The following ARHGEF9 variants were observed in gnomAD, a reference collection of about 807,000 sequenced individuals.
The protein encoded by ARHGEF9 is rho guanine nucleotide exchange factor 9.
Under a neutral mutation model 41.3 loss-of-function variants are expected in ARHGEF9, and 2 were observed. The observed-to-expected ratio is 0.05, with a 90% CI of 0.02 to 0.15. The LOEUF (loss-of-function observed/expected upper bound fraction) is 0.15. ARHGEF9 is among the 10% of genes least tolerant of loss of function. The pLI is 1.00. For missense variants in ARHGEF9, 225 were observed against 424.7 expected (o/e 0.53, Z 4.13); for synonymous variants, 160 against 154.4 (o/e 1.04, Z -0.27).
rs181791207 is a variant in ARHGEF9 at position 63,711,607 on chromosome X, G to A, written c.211-5158C>T. ...TGGTACAACTGGATATCCACATGCAGGAGAATGAACTTTGGCTCCTACTTT... is the reference window on the plus strand; with the variant it reads ...TGGTACAACTGGATATCCACATGCAAGAGAATGAACTTTGGCTCCTACTTT... On this transcript the variant is annotated intron_variant, in intron 2 of 9. Coordinates refer to ENST00000671741, the MANE Select transcript of ARHGEF9 (RefSeq NM_001353921.2). Among the ~76,000 whole-genome samples the A allele has an allele frequency of 5.3e-3, 592 of 111,999 alleles. 4 individuals are homozygous for A. Among genetic ancestry groups the A allele is most frequent in the Non-Finnish European group, 5.3e-3 (282 of 53,055 alleles).
intron 6 of ARHGEF9, among the ~76,000 whole-genome samples, chrX:63,670,637 A>C (rs189793403): frequency 9.1e-4 from 102 of 111,922 alleles, no homozygotes; most frequent in African/African-American, 3.2e-3. Flanking sequence ...TGACAGCTCA[A>C]CCAAACCTCA....
intron 1 of ARHGEF9, among the ~76,000 whole-genome samples, chrX:63,743,141 T>G (rs1204348503): frequency 9.0e-6 from 1 of 111,512 alleles, no homozygotes; most frequent in African/African-American, 3.3e-5. Context: ...AGGCGGAGGT[T>G]GCAGTGAGCT....
intron 1 of ARHGEF9, chrX:63,736,919 A>G (rs1404269228): frequency 8.9e-6 from 1 of 111,961 alleles, no homozygotes; most frequent in Non-Finnish European, 1.9e-5. Flanking sequence ...ACTCCACAAA[A>G]TAGAAATTAA....
Position 63,735,460 on chromosome X carries a change from A to G in ARHGEF9, c.31-10749T>C, listed in dbSNP as rs781895523. 1.1e-3 allele frequency among the ~76,000 whole-genome samples: 122 copies of G among 111,593 alleles called. 1 individual carries two copies. The highest frequency in any genetic ancestry group is 3.9e-3 in the African/African-American group (119 of 30,677). ...GGCAGAGGGTGGGTGGGCAAGGCAG[A>G]GAGAAAAAGGGAAATTCATTTTTTA... On this transcript the variant is annotated intron_variant, in intron 1 of 9. Transcript: ENST00000671741.
At chrX:63,731,775 G>A (rs2054311545) in intron 1 of ARHGEF9, among the ~76,000 whole-genome samples, 2 of 110,348 alleles carry the variant, frequency 1.8e-5, no homozygotes, top group Admixed American at 1.9e-4. Flanking sequence ...TGGCCAGGCT[G>A]GTCTTGAACT....
intron 1 of ARHGEF9, among the ~76,000 whole-genome samples, chrX:63,749,850 C>T (rs1368556312): frequency 8.9e-6 from 1 of 112,182 alleles, no homozygotes; most frequent in East Asian, 2.8e-4. Flanking sequence ...CCTCTTTGTA[C>T]TTTCGTGCTA....
intron 1 of ARHGEF9, among the ~76,000 whole-genome samples, chrX:63,774,913 T>C: frequency 8.9e-6 from 1 of 111,882 alleles, no homozygotes; most frequent in Non-Finnish European, 1.9e-5. Flanking sequence ...TTGAAAACTA[T>C]GTATCCAACA....
intron 2 of ARHGEF9, 102 bp downstream of exon 2, chrX:63,724,430 G>T: frequency 1.1e-6 from 1 of 951,957 alleles, no homozygotes; most frequent in Non-Finnish European, 1.4e-6. Context: ...TATGAGAAAA[G>T]CCACCAGGAG....
chrX:63,673,967 C>A, intron 6 of ARHGEF9, 71 bp downstream of exon 6: 1 of 1,159,765 alleles, frequency 8.6e-7, no homozygotes, highest in Non-Finnish European at 1.2e-6. Flanking sequence ...CTTCACCTGT[C>A]CTTAGCTAAG....
intron 8 of ARHGEF9, among the ~76,000 whole-genome samples, chrX:63,649,430 A>T (rs1466526549): frequency 9.0e-6 from 1 of 111,029 alleles, no homozygotes; most frequent in Non-Finnish European, 1.9e-5. Flanking sequence ...TCTGGGACAC[A>T]TTCAAAGCAG....
At chrX:63,691,188 T>A (rs2051322484) in intron 4 of ARHGEF9, among the ~76,000 whole-genome samples, 1 of 111,319 alleles carries the variant, frequency 9.0e-6, no homozygotes, top group African/African-American at 3.3e-5. Context: ...AAGGAAGAAA[T>A]CAAATTATCC....
chrX:63,672,018 C>T (rs1380017075), intron 6 of ARHGEF9, among the ~76,000 whole-genome samples: 1 of 111,814 alleles, frequency 8.9e-6, no homozygotes, highest in African/African-American at 3.3e-5. Flanking sequence ...ATAAAATTCA[C>T]ATGTTGAAAC....
At chrX:63,769,078 A>T (rs2056160166) in intron 1 of ARHGEF9, among the ~76,000 whole-genome samples, 1 of 112,064 alleles carries the variant, frequency 8.9e-6, no homozygotes, top group Non-Finnish European at 1.9e-5. Context: ...AGAAGACAGG[A>T]AAATGTGGGA....
At chrX:63,731,991 C>T (rs1556420386) in intron 1 of ARHGEF9, 1 of 111,785 alleles carries the variant, frequency 8.9e-6, no homozygotes, top group Non-Finnish European at 1.9e-5. Flanking sequence ...ATTATTGCAG[C>T]TTAATTCTCC....
At chrX:63,747,161 A>C (rs1455234056) in intron 1 of ARHGEF9, among the ~76,000 whole-genome samples, 2 of 112,215 alleles carry the variant, frequency 1.8e-5, no homozygotes, top group African/African-American at 6.5e-5. Flanking sequence ...AGCTAGAAGA[A>C]ATCTTTGAAG....
chrX:63,724,772 C>T (rs1393514877), intron 1 of ARHGEF9, 61 bp from the exon 2 acceptor site: 5 of 1,084,109 alleles, frequency 4.6e-6, no homozygotes, highest in Non-Finnish European at 6.4e-6. Flanking sequence ...CCCCTTCCCC[C>T]ACCCACAGAG....
intron 7 of ARHGEF9, chrX:63,657,499 A>T (rs2048947762): frequency 8.9e-6 from 1 of 111,893 alleles, no homozygotes; most frequent in African/African-American, 3.2e-5. Context: ...AATAACAATC[A>T]TGTTACTTTT....
chrX:63,699,078 G>A (rs191659262), intron 3 of ARHGEF9, among the ~76,000 whole-genome samples: 1 of 111,240 alleles, frequency 9.0e-6, no homozygotes, highest in Non-Finnish European at 1.9e-5. Flanking sequence ...GTCTGTGCCT[G>A]TGTGCCTGTC....
intron 1 of ARHGEF9, among the ~76,000 whole-genome samples, chrX:63,756,632 G>T (rs1210339023): frequency 5.3e-5 from 6 of 112,374 alleles, no homozygotes; most frequent in African/African-American, 1.3e-4. Flanking sequence ...ACTGTTTCAT[G>T]ATGCTTTTGT....
Sources: gnomAD v4.1 joint callset for allele counts (sites outside exome capture counted in the v4.1 genomes callset) on GRCh38, gnomAD v4.1.1 for gene constraint, MANE v1.5 for transcripts, NCBI Gene and HGNC (gene_info 2026-07-23, HGNC 2026-07-21) for gene names.